IPCEF1: variants seen among roughly 807,000 people sequenced by gnomAD.
IPCEF1 encodes interaction protein for cytohesin exchange factors 1.
In IPCEF1, 31 loss-of-function variants were observed where a neutral mutation model predicts 50.9. The observed-to-expected ratio is 0.61, with a 90% confidence interval of 0.46 to 0.82. The LOEUF (loss-of-function observed/expected upper bound fraction) is 0.82, where lower values mean the gene tolerates loss of function less well. IPCEF1 is among the 40% of genes least tolerant of loss of function. IPCEF1 has a pLI of 0.00. For missense variants in IPCEF1, 458 were observed against 514.0 expected, an observed-to-expected ratio of 0.89 and a Z score of 1.05; for synonymous variants, 181 against 192.0, an observed-to-expected ratio of 0.94 and a Z score of 0.47.
chr6:154,237,936 G>T (rs1780268286), intron 5 of IPCEF1, among the ~76,000 whole-genome samples: 3 of 152,070 alleles, frequency 2.0e-5, no homozygotes, highest in Admixed American at 2.0e-4. Context: ...TTAAGTTAGT[G>T]TGTGTGCACT....
At chr6:154,244,313 T>TGG (rs1780856838) in intron 5 of IPCEF1, among the ~76,000 whole-genome samples, 1 of 151,316 alleles carries the variant, frequency 6.6e-6, no homozygotes, top group African/African-American at 2.4e-5. Context: ...TGTGTGTGTG[T>TGG]GTGTGTGTGT....
chr6:154,260,998 T>C (rs1022035825), intron 3 of IPCEF1, among the ~76,000 whole-genome samples: 1 of 152,108 alleles, frequency 6.6e-6, no homozygotes, highest in Non-Finnish European at 1.5e-5. Flanking sequence ...AGTAACTATA[T>C]TGAAGATTTC....
chr6:154,346,414 A>G (rs1422273785), intron 1 of IPCEF1, among the ~76,000 whole-genome samples: 6 of 152,338 alleles, frequency 3.9e-5, no homozygotes, highest in African/African-American at 1.2e-4. Context: ...GTGTTTGCCT[A>G]AAGAGATTAT....
intron 5 of IPCEF1, among the ~76,000 whole-genome samples, chr6:154,245,627 A>G (rs541728835): frequency 1.3e-5 from 2 of 152,314 alleles, no homozygotes; most frequent in South Asian, 4.1e-4. Context: ...ATTTCACAAG[A>G]AGAATGTCAC....
At chr6:154,206,678 A>G (rs1279313625) in intron 9 of IPCEF1, among the ~76,000 whole-genome samples, 1 of 152,254 alleles carries the variant, frequency 6.6e-6, no homozygotes, top group African/African-American at 2.4e-5. Flanking sequence ...ACCCTGACCT[A>G]GAGGACTAGA....
At chr6:154,279,779 A>G (rs1426821392) in intron 2 of IPCEF1, among the ~76,000 whole-genome samples, 1 of 152,234 alleles carries the variant, frequency 6.6e-6, no homozygotes, top group African/African-American at 2.4e-5. Flanking sequence ...GCATGAGGCC[A>G]TGCATCCAGA....
intron 10 of IPCEF1, among the ~76,000 whole-genome samples, chr6:154,195,791 ATTT>A (rs34769762): frequency 1.1e-4 from 14 of 130,550 alleles, no homozygotes; most frequent in East Asian, 2.4e-4. Flanking sequence ...CTTGTTCACA[ATTT>A]TTTTTTTTTT....
intron 1 of IPCEF1, among the ~76,000 whole-genome samples, chr6:154,320,420 C>T (rs2128686974): frequency 6.6e-6 from 1 of 152,298 alleles, no homozygotes; most frequent in East Asian, 1.9e-4. Flanking sequence ...ATGAGTGCAA[C>T]TGGCCTCAAC....
chr6:154,272,964 T>A (rs1175271378), intron 2 of IPCEF1, among the ~76,000 whole-genome samples: 1 of 152,242 alleles, frequency 6.6e-6, no homozygotes, highest in Admixed American at 6.5e-5. Flanking sequence ...ATAGACATTA[T>A]CATCTTTGGA....
At chr6:154,254,093 T>G (rs1215159109) in intron 3 of IPCEF1, among the ~76,000 whole-genome samples, 2 of 152,190 alleles carry the variant, frequency 1.3e-5, no homozygotes, top group African/African-American at 4.8e-5. Context: ...TCTTAGCATA[T>G]GGGAAATTTT....
intron 10 of IPCEF1, among the ~76,000 whole-genome samples, chr6:154,198,912 T>G (rs910584089): frequency 6.6e-6 from 1 of 152,200 alleles, no homozygotes; most frequent in African/African-American, 2.4e-5. Flanking sequence ...CTGCTCAGTA[T>G]CTTCCATCAG....
intron 1 of IPCEF1, among the ~76,000 whole-genome samples, chr6:154,341,285 A>G (rs934517274): frequency 1.3e-5 from 2 of 152,218 alleles, no homozygotes; most frequent in African/African-American, 4.8e-5. Flanking sequence ...CACACTAGGG[A>G]CAGCAACACA....
intron 1 of IPCEF1, among the ~76,000 whole-genome samples, chr6:154,290,426 T>C (rs1178451567): frequency 6.6e-6 from 1 of 152,210 alleles, no homozygotes; most frequent in Non-Finnish European, 1.5e-5. Flanking sequence ...CTTGGATCTC[T>C]CAAGTTGTCC....
At chr6:154,305,389 C>T (rs777494084) in intron 1 of IPCEF1, among the ~76,000 whole-genome samples, 7 of 152,146 alleles carry the variant, frequency 4.6e-5, no homozygotes, top group Non-Finnish European at 1.0e-4. Flanking sequence ...TCTTTCAGGC[C>T]CTCCTATGCT....
intron 1 of IPCEF1, among the ~76,000 whole-genome samples, chr6:154,354,424 A>ACCACCTCCACCATCTCCTCCACCC: frequency 6.7e-6 from 1 of 149,538 alleles, no homozygotes; most frequent in Non-Finnish European, 1.5e-5. Context: ...CACCTCCACC[A>ACCACCTCCACCATCTCCTCCACCC]CCACCTCCAC....
intron 1 of IPCEF1, among the ~76,000 whole-genome samples, chr6:154,351,521 C>T (rs780012004): frequency 6.6e-6 from 1 of 152,186 alleles, no homozygotes; most frequent in Non-Finnish European, 1.5e-5. Context: ...AAGAATTTCA[C>T]TTGGGCGATT....
rs536914938 is a variant in IPCEF1, at chr6:154,339,303, T to A, written c.-62+17369A>T. Among the ~76,000 whole-genome samples, 55 of 152,328 alleles carry A rather than the reference T, an allele frequency of 3.6e-4. 2 individuals carry two copies. The South Asian group carries it at 0.011, about 30-fold the overall frequency. On this transcript the variant is annotated intron_variant, in intron 1 of 11. Coordinates refer to ENST00000367220, the MANE Select transcript of IPCEF1 (RefSeq NM_001130700.2). Reference sequence around the variant, plus strand: ...AGAGGAGAAGAGCCTAATCATTTTTTAAAAATTAAATTCAACCAAGTTCAT... The same window carrying A: ...AGAGGAGAAGAGCCTAATCATTTTTAAAAAATTAAATTCAACCAAGTTCAT...
intron 3 of IPCEF1, among the ~76,000 whole-genome samples, chr6:154,254,786 G>T (rs760772788): frequency 6.6e-6 from 1 of 151,902 alleles, no homozygotes; most frequent in African/African-American, 2.4e-5. Flanking sequence ...ACTACATTTT[G>T]ATTTTTTTTA....
At chr6:154,351,291 G>C (rs149398227) in intron 1 of IPCEF1, among the ~76,000 whole-genome samples, 1 of 152,168 alleles carries the variant, frequency 6.6e-6, no homozygotes, top group Non-Finnish European at 1.5e-5. Flanking sequence ...TTGTGGTGAC[G>C]GAACAGTCAC....
Sources: gnomAD v4.1 joint callset for allele counts (sites outside exome capture counted in the v4.1 genomes callset) on GRCh38, gnomAD v4.1.1 for gene constraint, MANE v1.5 for transcripts, NCBI Gene and HGNC (gene_info 2026-07-23, HGNC 2026-07-21) for gene names.